The following CAMTA1 variants were observed in gnomAD, a reference collection of about 807,000 sequenced individuals.
CAMTA1 encodes the protein calmodulin-binding transcription activator 1.
A neutral mutation model predicts 170.9 loss-of-function variants in CAMTA1; 27 were observed. The observed-to-expected ratio is 0.16, with a 90% CI of 0.12 to 0.22. The LOEUF (loss-of-function observed/expected upper bound fraction) is 0.22, where lower values mean the gene tolerates loss of function less well. Among genes scored for constraint, CAMTA1 ranks in the 10% least tolerant of loss-of-function variants. CAMTA1 has a pLI of 1.00. For synonymous variants in CAMTA1, 833 were observed against 891.5 expected, an observed-to-expected ratio of 0.93 and a Z score of 1.17; for missense variants, 1,619 against 2,217.2, an observed-to-expected ratio of 0.73 and a Z score of 5.42.
chr1:7,168,562 C>T (rs1412840766), intron 4 of CAMTA1, among the ~76,000 whole-genome samples: 3 of 152,166 alleles, frequency 2.0e-5, no homozygotes, highest in Non-Finnish European at 4.4e-5. Flanking sequence ...ACCACCACAC[C>T]CAGCTAACTT....
intron 6 of CAMTA1, among the ~76,000 whole-genome samples, chr1:7,576,199 G>A (rs571644138): frequency 3.6e-4 from 55 of 151,910 alleles, no homozygotes; most frequent in East Asian, 2.3e-3. Context: ...TAGTAGAGAC[G>A]GGGTTCCTCC....
intron 5 of CAMTA1, among the ~76,000 whole-genome samples, chr1:7,405,599 T>C (rs2090229805): frequency 6.6e-6 from 1 of 152,172 alleles, no homozygotes; most frequent in Non-Finnish European, 1.5e-5. Context: ...CTTGAACTCC[T>C]AGGCTCAAGT....
chr1:7,769,656 T>C lies in CAMTA1; in HGVS notation c.*3165T>C, dbSNP rs1454778252. 1 of 152,606 alleles carries C rather than the reference T, an allele frequency of 6.6e-6. No homozygotes were observed. Among genetic ancestry groups the C allele is most frequent in the Non-Finnish European group, 1.5e-5 (1 of 68,044 alleles). The allele number at this position is 152,606 out of a possible 1,614,324, so 9.5% of individuals were successfully genotyped here. On this transcript the variant is annotated 3_prime_UTR_variant, in exon 23 of 23. Transcript: ENST00000303635. Reference sequence around the variant, plus strand: ...TAAAATATGGAAAATGTTTTCTGAATGCTTTATATTCTTTCTGCTGTAAAT... The same window carrying C: ...TAAAATATGGAAAATGTTTTCTGAACGCTTTATATTCTTTCTGCTGTAAAT...
At chr1:6,963,180 C>G (rs368668289) in intron 3 of CAMTA1, among the ~76,000 whole-genome samples, 11 of 149,980 alleles carry the variant, frequency 7.3e-5, no homozygotes, top group Admixed American at 4.0e-4. Context: ...GCCTCCATCT[C>G]TTTTGGCTCC....
chr1:6,984,175 G>A (rs1164392951), intron 3 of CAMTA1, among the ~76,000 whole-genome samples: 1 of 139,526 alleles, frequency 7.2e-6, no homozygotes, highest in East Asian at 2.1e-4. Context: ...TAGATGGGTT[G>A]GTAGGTGAGT....
intron 3 of CAMTA1, among the ~76,000 whole-genome samples, chr1:6,941,288 A>G (rs1686566509): frequency 6.6e-6 from 1 of 152,150 alleles, no homozygotes; most frequent in Non-Finnish European, 1.5e-5. Context: ...GTAGGACACC[A>G]TTGGGAGACC....
At position 7,738,191 on chromosome 1, in the gene CAMTA1, C is replaced by G; in HGVS notation, c.3891C>G (p.Ser1297Arg). 6.2e-7 allele frequency: 1 copy of G among 1,614,058 alleles called. No individual in the cohort carries two copies. The highest frequency in any genetic ancestry group is 8.5e-7 in the Non-Finnish European group (1 of 1,180,042). ...LSPSEGVRDFSRELSPPTPET... is the reference protein window; with the variant it reads ...LSPSEGVRDFRRELSPPTPET... ...CCAGTGAAGGAGTGAGGGACTTCAG[C>G]CGGGAACTCTCCCCTCCCACTCCAG... Residue 1297 changes from serine to arginine, a missense_variant, in exon 16 of 23, where the codon AGC (serine) becomes AGG (arginine). Physicochemically the swap from Ser to Arg is moderately radical, Grantham distance 110. Transcript: ENST00000303635. The surrounding 1 kb of genome is among the most constrained non-coding windows in gnomAD (Gnocchi z 4.9).
At chr1:7,200,306 A>G (rs1573848657) in intron 4 of CAMTA1, among the ~76,000 whole-genome samples, 1 of 152,252 alleles carries the variant, frequency 6.6e-6, no homozygotes, top group Non-Finnish European at 1.5e-5. Context: ...ACATTCTTGT[A>G]CATAACCACG....
At chr1:7,306,140 C>T (rs1482466895) in intron 5 of CAMTA1, among the ~76,000 whole-genome samples, 1 of 151,916 alleles carries the variant, frequency 6.6e-6, no homozygotes, top group Non-Finnish European at 1.5e-5. Context: ...TCCTATTTAG[C>T]GATTGTTTCT....
intron 5 of CAMTA1, among the ~76,000 whole-genome samples, chr1:7,338,467 C>G (rs542652012): frequency 6.6e-6 from 1 of 152,118 alleles, no homozygotes; most frequent in Non-Finnish European, 1.5e-5. Context: ...CCACCATGTA[C>G]GCAGGAATGG....
At chr1:7,150,784 C>T (rs748100100) in intron 4 of CAMTA1, among the ~76,000 whole-genome samples, 10 of 152,134 alleles carry the variant, frequency 6.6e-5, no homozygotes, top group South Asian at 4.1e-4. Context: ...CCGGATGCTT[C>T]GAGGGAAATG....
At chr1:7,103,541 C>T (rs1643048456) in intron 4 of CAMTA1, among the ~76,000 whole-genome samples, 1 of 107,234 alleles carries the variant, frequency 9.3e-6, no homozygotes, top group East Asian at 2.9e-4. Flanking sequence ...CAACTACACA[C>T]ATGTACACAC....
In CAMTA1 at chr1:7,031,408, CTTTT is replaced by C. The variant is rs369352891; in HGVS notation, c.235-59894_235-59891del. Among the ~76,000 whole-genome samples, 122 of 152,178 alleles carry C rather than the reference CTTTT, an allele frequency of 8.0e-4. 1 individual carries two copies. The South Asian group carries it at 0.025, about 31-fold the overall frequency. ...ATATTAACATAGCCATTGCAAATTTCTTTTTATTAGTGTTGCAATGGTATATCTT... is the reference window on the plus strand; with the variant it reads ...ATATTAACATAGCCATTGCAAATTTCTATTAGTGTTGCAATGGTATATCTT... On this transcript the variant is annotated intron_variant, in intron 3 of 22. Transcript: ENST00000303635.
intron 4 of CAMTA1, among the ~76,000 whole-genome samples, chr1:7,135,707 C>T (rs1176423187): frequency 6.6e-6 from 1 of 152,142 alleles, no homozygotes; most frequent in African/African-American, 2.4e-5. Flanking sequence ...TTACAGATTG[C>T]CTGATTTGCT....
At chr1:7,005,390 G>T (rs1191218983) in intron 3 of CAMTA1, among the ~76,000 whole-genome samples, 1 of 152,190 alleles carries the variant, frequency 6.6e-6, no homozygotes, top group Non-Finnish European at 1.5e-5. Context: ...TCAGTTCTTT[G>T]GGAAAAATAG....
chr1:7,164,207 CA>C (rs1647883921), intron 4 of CAMTA1, among the ~76,000 whole-genome samples: 1 of 152,130 alleles, frequency 6.6e-6, no homozygotes, highest in Admixed American at 6.6e-5. Flanking sequence ...GAAGTTTTGG[CA>C]AATAACAAGG....
At chr1:7,294,302 G>T (rs1220870212) in intron 5 of CAMTA1, among the ~76,000 whole-genome samples, 1 of 152,186 alleles carries the variant, frequency 6.6e-6, no homozygotes, top group African/African-American at 2.4e-5. Context: ...GCTATGGATG[G>T]TGAGCTTCTC....
intron 3 of CAMTA1, among the ~76,000 whole-genome samples, chr1:6,983,491 T>C (rs1572211337): frequency 6.6e-6 from 1 of 152,248 alleles, no homozygotes; most frequent in Non-Finnish European, 1.5e-5. Flanking sequence ...TCTGTTGTCA[T>C]ACTATATGCT....
At chr1:7,603,847 T>C (rs2095465504) in intron 6 of CAMTA1, among the ~76,000 whole-genome samples, 1 of 152,244 alleles carries the variant, frequency 6.6e-6, no homozygotes, top group Admixed American at 6.5e-5. Context: ...TGTTTAGTGC[T>C]TCCTTCAGGA....
Sources: allele counts gnomAD v4.1 joint callset (sites outside exome capture counted in the v4.1 genomes callset), GRCh38; gene constraint gnomAD v4.1.1; non-coding constraint Gnocchi (gnomAD v3.1); transcripts MANE v1.5; gene names NCBI Gene and HGNC (gene_info 2026-07-23, HGNC 2026-07-21).